Variants in NOSTRIN observed in about 807,000 individuals in gnomAD.
The protein encoded by NOSTRIN is BM247 homolog.
Under a neutral mutation model 59.0 loss-of-function variants are expected in NOSTRIN, and 63 were observed. That is an observed-to-expected ratio of 1.07 (90% CI 0.87 to 1.32). The LOEUF (loss-of-function observed/expected upper bound fraction) is 1.32, where lower values mean the gene tolerates loss of function less well. NOSTRIN is among the 40% of genes most tolerant of loss of function. NOSTRIN has a pLI of 0.00. For missense variants in NOSTRIN, 512 were observed against 473.1 expected, an observed-to-expected ratio of 1.08 and a Z score of -0.76; for synonymous variants, 200 against 165.4, an observed-to-expected ratio of 1.21 and a Z score of -1.61.
chr2:168,802,513 C>G, upstream of NOSTRIN: 1 of 711,430 alleles, frequency 1.4e-6, no homozygotes, highest in Non-Finnish European at 2.5e-6. Flanking sequence ...GGACTTCCTC[C>G]TTGGAATGTT....
At chr2:168,834,511 A>ACACGCG (rs1553527235) in intron 7 of NOSTRIN, among the ~76,000 whole-genome samples, 186 bp downstream of exon 7, 1 of 129,394 alleles carries the variant, frequency 7.7e-6, no homozygotes, top group East Asian at 2.7e-4. Flanking sequence ...GCGCGCGCAC[A>ACACGCG]CACACACACA....
chr2:168,852,138 T>C (rs1688804306), intron 10 of NOSTRIN, among the ~76,000 whole-genome samples: 1 of 152,174 alleles, frequency 6.6e-6, no homozygotes. Flanking sequence ...CATCATATTC[T>C]ATTTGCTAGA....
intron 2 of NOSTRIN, among the ~76,000 whole-genome samples, chr2:168,791,795 G>A (rs1209720393): frequency 6.6e-6 from 1 of 152,166 alleles, no homozygotes; most frequent in African/African-American, 2.4e-5. Context: ...CTTTTGACAA[G>A]TGTCTGTTCA....
chr2:168,815,057 A>G (rs1397998131), intron 2 of NOSTRIN, among the ~76,000 whole-genome samples: 1 of 152,214 alleles, frequency 6.6e-6, no homozygotes, highest in Non-Finnish European at 1.5e-5. Context: ...TCTGCTTGAC[A>G]GAGTTCTGTA....
intron 10 of NOSTRIN, among the ~76,000 whole-genome samples, 173 bp from the exon 11 acceptor site, chr2:168,855,178 CA>C (rs1689004610): frequency 6.6e-6 from 1 of 152,212 alleles, no homozygotes; most frequent in African/African-American, 2.4e-5. Context: ...TCTTATTCAT[CA>C]GGTCTCGAAC....
At chr2:168,802,434 A>T (rs6433093), upstream of NOSTRIN, 3 of 525,922 alleles carry the variant, frequency 5.7e-6, no homozygotes, top group African/African-American at 1.9e-5. Flanking sequence ...ACTATCTCAC[A>T]CTGGCCGTCT....
At chr2:168,820,963 G>A in intron 2 of NOSTRIN, among the ~76,000 whole-genome samples, 1 of 152,280 alleles carries the variant, frequency 6.6e-6, no homozygotes, top group African/African-American at 2.4e-5. Flanking sequence ...TACCTTTCCT[G>A]TTAAAAACCA....
At chr2:168,816,256 G>T (rs1182206979) in intron 2 of NOSTRIN, among the ~76,000 whole-genome samples, 1 of 152,198 alleles carries the variant, frequency 6.6e-6, no homozygotes, top group African/African-American at 2.4e-5. Context: ...CTGAGGCCCT[G>T]TGCCTGTCTT....
At chr2:168,863,471 C>CAGATGATCCTGAA in intron 15 of NOSTRIN, 12 of 985,188 alleles carry the variant, frequency 1.2e-5, no homozygotes, top group Non-Finnish European at 1.4e-5. Context: ...CTGACGGGGG[C>CAGATGATCCTGAA]AGATGATCCT....
upstream of NOSTRIN, chr2:168,802,456 A>T: frequency 1.7e-6 from 1 of 575,080 alleles, no homozygotes; most frequent in Non-Finnish European, 3.2e-6. Context: ...GACCCAGAGC[A>T]GTTCTTTACT....
intron 2 of NOSTRIN, among the ~76,000 whole-genome samples, chr2:168,824,199 G>A (rs376281511): frequency 5.3e-5 from 8 of 152,214 alleles, no homozygotes; most frequent in South Asian, 4.2e-4. Flanking sequence ...TCTTCTTTAC[G>A]TAGGCATTAC....
At chr2:168,808,192 A>G (rs1362764287) in intron 1 of NOSTRIN, among the ~76,000 whole-genome samples, 5 of 152,194 alleles carry the variant, frequency 3.3e-5, no homozygotes, top group African/African-American at 9.6e-5. Flanking sequence ...ACTCATTTCT[A>G]CATTGGTTAT....
At chr2:168,810,569 C>T (rs2105547041) in intron 1 of NOSTRIN, among the ~76,000 whole-genome samples, 1 of 152,264 alleles carries the variant, frequency 6.6e-6, no homozygotes, top group African/African-American at 2.4e-5. Context: ...TCCTTTTTCC[C>T]TTCTCAATAT....
At chr2:168,831,399 C>T (rs933057342) in intron 5 of NOSTRIN, 73 bp from the exon 6 acceptor site, 20 of 790,468 alleles carry the variant, frequency 2.5e-5, no homozygotes, top group South Asian at 5.6e-5. Flanking sequence ...TTTAGGGGCA[C>T]GAACATTTAG....
intron 8 of NOSTRIN, among the ~76,000 whole-genome samples, chr2:168,844,256 C>T (rs779830061): frequency 5.9e-5 from 9 of 152,146 alleles, no homozygotes; most frequent in South Asian, 2.1e-4. Context: ...GAAACAGCCA[C>T]GCAGCTTATG....
intron 11 of NOSTRIN, 93 bp from the exon 12 acceptor site, chr2:168,856,597 T>A: frequency 9.3e-7 from 1 of 1,080,302 alleles, no homozygotes; most frequent in Non-Finnish European, 1.4e-6. Context: ...CTCACTGGTA[T>A]CACTTCTAGG....
At chr2:168,793,721 A>G (rs917030119), upstream of NOSTRIN, among the ~76,000 whole-genome samples, 1 of 152,220 alleles carries the variant, frequency 6.6e-6, no homozygotes, top group Admixed American at 6.5e-5. Context: ...AAGTTAAAAC[A>G]TGGCACTGGA....
At chr2:168,811,142 A>T (rs1439557530) in intron 1 of NOSTRIN, among the ~76,000 whole-genome samples, 1 of 152,152 alleles carries the variant, frequency 6.6e-6, no homozygotes, top group East Asian at 1.9e-4. Context: ...GGCTCACTCT[A>T]ATGGCTCATG....
At chr2:168,849,923 T>TTTG (rs1688657006) in intron 8 of NOSTRIN, among the ~76,000 whole-genome samples, 1 of 24,650 alleles carries the variant, frequency 4.1e-5, no homozygotes, top group Non-Finnish European at 8.5e-5. Flanking sequence ...TTCTCATTTT[T>TTTG]TTTTTTTTTT....
Sources: gnomAD v4.1 joint callset for allele counts (sites outside exome capture counted in the v4.1 genomes callset) on GRCh38, gnomAD v4.1.1 for gene constraint, MANE v1.5 for transcripts, NCBI Gene and HGNC (gene_info 2026-07-23, HGNC 2026-07-21) for gene names.